The following QTGAL variants were observed in gnomAD, a reference collection of about 807,000 sequenced individuals.
QTGAL encodes the protein queuosine-tRNA galactosyltransferase.
At chr17:83,032,662 G>C in the QTGAL span, among the ~76,000 whole-genome samples, 1 of 151,636 alleles carries the variant, frequency 6.6e-6, no homozygotes, top group Non-Finnish European at 1.5e-5. Context: ...GAAAACATTG[G>C]ATGGACCATC....
At chr17:82,964,554 G>C in the QTGAL span, among the ~76,000 whole-genome samples, 1 of 151,220 alleles carries the variant, frequency 6.6e-6, no homozygotes, top group East Asian at 2.0e-4. Flanking sequence ...ACCCCCACGG[G>C]GGGACGGGGA....
chr17:82,965,630 A>T, the QTGAL span: 1 of 1,580,880 alleles, frequency 6.3e-7, no homozygotes, highest in Non-Finnish European at 8.6e-7. Flanking sequence ...GAGGGACCTG[A>T]TTCCCGCCTT....
At chr17:83,051,270 C>T in the QTGAL span, among the ~76,000 whole-genome samples, 529 of 105,244 alleles carry the variant, frequency 5.0e-3, 4 homozygotes, top group African/African-American at 0.019. Context: ...GGGGCAGGTG[C>T]GCGGGGGCGG....
the QTGAL span, among the ~76,000 whole-genome samples, chr17:82,974,811 T>C: frequency 6.6e-6 from 1 of 152,196 alleles, no homozygotes; most frequent in African/African-American, 2.4e-5. Context: ...TGGGAACCAG[T>C]GTCTGCACGG....
At chr17:82,971,012 G>C in the QTGAL span, among the ~76,000 whole-genome samples, 1 of 152,158 alleles carries the variant, frequency 6.6e-6, no homozygotes, top group African/African-American at 2.4e-5. Context: ...ACAGGTCGGC[G>C]TCGTGGGGCG....
At chr17:83,046,327 G>A in the QTGAL span, among the ~76,000 whole-genome samples, 1 of 152,034 alleles carries the variant, frequency 6.6e-6, no homozygotes, top group Non-Finnish European at 1.5e-5. Context: ...AGTAGAGATG[G>A]GGTTTCACCA....
chr17:82,951,827 G>A, the QTGAL span, among the ~76,000 whole-genome samples: 37 of 152,032 alleles, frequency 2.4e-4, 1 homozygote, highest in Admixed American at 2.4e-3. Flanking sequence ...GCGGGGAGGC[G>A]ACAGCTGCTG....
the QTGAL span, among the ~76,000 whole-genome samples, chr17:82,980,605 C>T: frequency 8.5e-5 from 13 of 152,206 alleles, no homozygotes; most frequent in African/African-American, 3.1e-4. Flanking sequence ...CACTTACTTA[C>T]ACCTACCAGT....
At chr17:82,977,893 C>T in the QTGAL span, among the ~76,000 whole-genome samples, 8 of 152,138 alleles carry the variant, frequency 5.3e-5, no homozygotes, top group Admixed American at 4.6e-4. Flanking sequence ...TTCTCATCAC[C>T]GGGGTTTGGT....
At chr17:83,035,461 A>C in the QTGAL span, among the ~76,000 whole-genome samples, 2 of 152,008 alleles carry the variant, frequency 1.3e-5, no homozygotes, top group Non-Finnish European at 2.9e-5. Context: ...GAGCCACCGC[A>C]CCCGCCCAAT....
At chr17:82,959,587 T>G in the QTGAL span, among the ~76,000 whole-genome samples, 1 of 151,860 alleles carries the variant, frequency 6.6e-6, no homozygotes, top group Non-Finnish European at 1.5e-5. Flanking sequence ...CCGGGTGTGT[T>G]GGGTGTCTCG....
the QTGAL span, among the ~76,000 whole-genome samples, chr17:83,024,121 G>A: frequency 3.3e-5 from 5 of 152,212 alleles, no homozygotes; most frequent in Admixed American, 3.3e-4. Flanking sequence ...AAACAGGGGT[G>A]AACGCACAAG....
At chr17:83,020,626 G>T in the QTGAL span, among the ~76,000 whole-genome samples, 18 of 152,172 alleles carry the variant, frequency 1.2e-4, no homozygotes, top group Non-Finnish European at 2.2e-4. Context: ...CAGCCCACCT[G>T]CCCATCGGGA....
chr17:82,945,488 C>T, the QTGAL span: 1 of 152,198 alleles, frequency 6.6e-6, no homozygotes, highest in African/African-American at 2.4e-5. Flanking sequence ...TGGAGTTGAG[C>T]AGTGAGTAGA....
At chr17:83,016,315 T>C in the QTGAL span, among the ~76,000 whole-genome samples, 1 of 152,146 alleles carries the variant, frequency 6.6e-6, no homozygotes, top group Non-Finnish European at 1.5e-5. Context: ...AAAATACCCA[T>C]ATTTATGTCT....
chr17:82,959,698 CG>C, the QTGAL span, among the ~76,000 whole-genome samples: 100,544 of 151,554 alleles, frequency 0.66, 33,659 homozygotes, highest in South Asian at 0.87. Flanking sequence ...CAGAAGAAAG[CG>C]GGGGGCCTCT....
the QTGAL span, among the ~76,000 whole-genome samples, chr17:83,042,737 T>A: frequency 2.0e-5 from 3 of 152,174 alleles, no homozygotes; most frequent in African/African-American, 7.2e-5. Flanking sequence ...AATTCTCCAA[T>A]TAAAAGGCAA....
chr17:83,008,425 C>G, the QTGAL span, among the ~76,000 whole-genome samples: 1 of 151,900 alleles, frequency 6.6e-6, no homozygotes, highest in Non-Finnish European at 1.5e-5. Flanking sequence ...GCAATTCCAC[C>G]GAAAAAAAGA....
the QTGAL span, chr17:82,943,481 CA>C: frequency 1.3e-5 from 2 of 152,028 alleles, no homozygotes; most frequent in Non-Finnish European, 1.5e-5. Flanking sequence ...GTGAGGAGCC[CA>C]GGGGTGCCAT....
Sources: gnomAD v4.1 joint callset for allele counts (sites outside exome capture counted in the v4.1 genomes callset) on GRCh38, gnomAD v4.1.1 for gene constraint, MANE v1.5 for transcripts, NCBI Gene and HGNC (gene_info 2026-07-23, HGNC 2026-07-21) for gene names.